SMYD3: variants seen among roughly 807,000 people sequenced by gnomAD.
SMYD3 encodes histone-lysine N-methyltransferase SMYD3.
A neutral mutation model predicts 57.7 loss-of-function variants in SMYD3; 36 were observed. The observed-to-expected ratio is 0.62, with a 90% CI of 0.48 to 0.82. The LOEUF (loss-of-function observed/expected upper bound fraction) is 0.82, where lower values mean the gene tolerates loss of function less well. Among genes scored for constraint, SMYD3 ranks in the 40% least tolerant of loss-of-function variants. The pLI is 0.00. For synonymous variants in SMYD3, 211 were observed against 195.0 expected (o/e 1.08, Z -0.68); for missense variants, 515 against 538.8 (o/e 0.96, Z 0.44).
At chr1:245,916,827 G>A (rs2055460636) in intron 7 of SMYD3, among the ~76,000 whole-genome samples, 1 of 152,064 alleles carries the variant, frequency 6.6e-6, no homozygotes, top group African/African-American at 2.4e-5. Context: ...CATCACAACA[G>A]CTCCCCACTT....
intron 5 of SMYD3, among the ~76,000 whole-genome samples, chr1:245,955,643 T>C (rs2057817172): frequency 6.6e-6 from 1 of 152,146 alleles, no homozygotes; most frequent in Non-Finnish European, 1.5e-5. Flanking sequence ...TTGTTGTTAA[T>C]CTACTGTGCC....
At chr1:245,757,954 T>C (rs2045679591) in intron 11 of SMYD3, among the ~76,000 whole-genome samples, 1 of 152,184 alleles carries the variant, frequency 6.6e-6, no homozygotes, top group African/African-American at 2.4e-5. Context: ...TTTCTACTTC[T>C]TCCCCAAAAA....
intron 1 of SMYD3, among the ~76,000 whole-genome samples, chr1:246,476,518 C>T (rs1255542884): frequency 6.6e-6 from 1 of 152,132 alleles, no homozygotes; most frequent in Admixed American, 6.5e-5. Context: ...TTTTAAGTAA[C>T]AAGACTGTAA....
At chr1:245,848,458 C>T (rs910898267) in intron 10 of SMYD3, among the ~76,000 whole-genome samples, 7 of 151,896 alleles carry the variant, frequency 4.6e-5, no homozygotes, top group Non-Finnish European at 8.8e-5. Context: ...TGACTCTTAA[C>T]CCAAGTTGGA....
At chr1:245,887,871 A>G (rs2053173841) in intron 8 of SMYD3, among the ~76,000 whole-genome samples, 1 of 152,186 alleles carries the variant, frequency 6.6e-6, no homozygotes, top group Non-Finnish European at 1.5e-5. Context: ...AAAGGGACAA[A>G]AGGAGAGAAA....
chr1:245,764,139 G>A lies in SMYD3; in HGVS notation c.1087C>T (p.Pro363Ser), dbSNP rs1488553220. The A allele has an allele frequency of 6.2e-7, 1 of 1,613,394 alleles. No individual in the cohort carries two copies. Among genetic ancestry groups the A allele is most frequent in the Non-Finnish European group, 8.5e-7 (1 of 1,179,610 alleles). ...ACCCCTCTGACGGGATGGCTTCCTG[G>A]GAAAAAAATCCTGGAAGAAACCAAA... ...RTMEPYRIFFPGSHPVRGVQV... is the reference protein window; with the variant it reads ...RTMEPYRIFFSGSHPVRGVQV... Residue 363 changes from proline to serine, a missense_variant, in exon 11 of 12, where the codon CCA becomes TCA. By Grantham distance (74) the Pro-to-Ser change is moderately conservative. Transcript: ENST00000490107.
chr1:245,778,417 T>A (rs188772158), intron 10 of SMYD3, among the ~76,000 whole-genome samples: 1 of 152,240 alleles, frequency 6.6e-6, no homozygotes, highest in African/African-American at 2.4e-5. Context: ...AACAATTCAA[T>A]GGAGTAAGGA....
chr1:245,817,242 GACCC>G (rs2048884337), intron 10 of SMYD3, among the ~76,000 whole-genome samples: 5 of 145,058 alleles, frequency 3.4e-5, no homozygotes, highest in South Asian at 2.3e-4. Flanking sequence ...CCTGACCCCT[GACCC>G]CCGAGCAGCC....
chr1:246,227,956 C>CTTTTTTTTT (rs202246263), intron 5 of SMYD3, among the ~76,000 whole-genome samples: 1 of 115,594 alleles, frequency 8.7e-6, no homozygotes, highest in Non-Finnish European at 1.7e-5. Flanking sequence ...ATTTTTATTC[C>CTTTTTTTTT]TTTTTTTTTT....
chr1:246,112,375 G>A (rs2061258691), intron 5 of SMYD3, among the ~76,000 whole-genome samples: 1 of 152,156 alleles, frequency 6.6e-6, no homozygotes, highest in Non-Finnish European at 1.5e-5. Context: ...AAATTTAAAA[G>A]TGGTAAGATA....
chr1:245,782,039 G>A (rs1386766490), intron 10 of SMYD3, among the ~76,000 whole-genome samples: 3 of 152,112 alleles, frequency 2.0e-5, no homozygotes, highest in Non-Finnish European at 2.9e-5. Context: ...CGCATTCAGA[G>A]CTTTCTTTGC....
chr1:246,265,890 T>C (rs78951082), intron 5 of SMYD3, among the ~76,000 whole-genome samples: 4,530 of 152,308 alleles, frequency 0.03, 229 homozygotes, highest in African/African-American at 0.1. Context: ...AATGAGAAGA[T>C]GGATTTTCTC....
intron 5 of SMYD3, among the ~76,000 whole-genome samples, chr1:246,269,556 G>GT (rs2064179641): frequency 9.3e-6 from 1 of 107,470 alleles, no homozygotes; most frequent in Non-Finnish European, 2.0e-5. Flanking sequence ...TTTTTTTTTT[G>GT]TTTTTGTTGT....
At chr1:245,848,136 G>A (rs1558417213) in intron 10 of SMYD3, among the ~76,000 whole-genome samples, 1 of 148,884 alleles carries the variant, frequency 6.7e-6, no homozygotes, top group Non-Finnish European at 1.5e-5. Flanking sequence ...GTCTCATGCT[G>A]TTGCCCAAGC....
At position 245,890,640 on chromosome 1, in the gene SMYD3, C is replaced by T. The variant is rs527793428; in HGVS notation, c.813+24890G>A. On this transcript the variant is annotated intron_variant, in intron 8 of 11. Transcript: ENST00000490107. ...CTATTGTTGGGAATGTAAATTAGTACATCTACTATGGAAAACTGTATGAAG... is the reference window on the plus strand; with the variant it reads ...CTATTGTTGGGAATGTAAATTAGTATATCTACTATGGAAAACTGTATGAAG... 3.3e-5 allele frequency among the ~76,000 whole-genome samples: 5 copies of T among 152,228 alleles called. No individual in the cohort carries two copies. The South Asian group carries it at 8.3e-4, about 25-fold the overall frequency.
intron 7 of SMYD3, among the ~76,000 whole-genome samples, chr1:245,919,482 C>T (rs898142160): frequency 1.2e-4 from 19 of 152,174 alleles, no homozygotes; most frequent in African/African-American, 3.6e-4. Context: ...CTTCCTATGG[C>T]GACTGCCCCA....
At chr1:246,186,437 G>C (rs780852772) in intron 5 of SMYD3, among the ~76,000 whole-genome samples, 50 of 152,090 alleles carry the variant, frequency 3.3e-4, no homozygotes, top group African/African-American at 1.1e-3. Flanking sequence ...GTGAAAGGCA[G>C]AGCTGACCTG....
At chr1:245,942,241 G>A (rs141992822) in intron 5 of SMYD3, among the ~76,000 whole-genome samples, 10 of 152,196 alleles carry the variant, frequency 6.6e-5, no homozygotes, top group South Asian at 2.1e-4. Context: ...CCCATCTCAC[G>A]TGCAAAGACA....
intron 1 of SMYD3, among the ~76,000 whole-genome samples, chr1:246,430,333 C>G (rs1237771734): frequency 6.6e-6 from 1 of 152,198 alleles, no homozygotes; most frequent in Admixed American, 6.5e-5. Flanking sequence ...GCCTGGGCAT[C>G]TGTAAGAAAT....
Sources: gnomAD v4.1 joint callset for allele counts (sites outside exome capture counted in the v4.1 genomes callset) on GRCh38, gnomAD v4.1.1 for gene constraint, MANE v1.5 for transcripts, NCBI Gene and HGNC (gene_info 2026-07-23, HGNC 2026-07-21) for gene names.